RSRP1: variants seen among roughly 807,000 people sequenced by gnomAD.
RSRP1 encodes the protein arginine and serine rich protein 1.
RSRP1 carries 37 observed loss-of-function variants against 33.0 expected under a neutral mutation model. The ratio of observed to expected loss-of-function variants is 1.12; its 90% CI spans 0.86 to 1.48. RSRP1 has a LOEUF of 1.48. Ranked by LOEUF, RSRP1 falls within the 40% of genes most tolerant of loss-of-function variation. RSRP1 has a pLI of 0.00. For synonymous variants in RSRP1, 167 were observed against 158.7 expected, an observed-to-expected ratio of 1.05 and a Z score of -0.40; for missense variants, 402 against 385.3, an observed-to-expected ratio of 1.04 and a Z score of -0.36.
chr1:25,322,256 G>A lies in RSRP1; in HGVS notation c.-67+15722C>T, dbSNP rs115774166. On this transcript the variant is annotated intron_variant, in intron 1 of 1. Transcript: ENST00000561867. ...CCTCCCCCTATCTGCAGTCCTCAGC[G>A]TAGCCAAATAGTCTGACATGCGGGT... Among the ~76,000 whole-genome samples, 1,251 of 132,444 alleles carry A rather than the reference G, an allele frequency of 9.4e-3. 8 individuals are homozygous for A. The highest frequency in any genetic ancestry group is 0.031 in the African/African-American group (1,192 of 38,886). The allele number at this position is 132,444 out of a possible 152,430, so 86.9% of individuals were successfully genotyped here.
rs1417689767 is a variant in RSRP1 at position 25,293,458 on chromosome 1, T to C, written c.-67+44520A>G. Among the ~76,000 whole-genome samples the C allele has an allele frequency of 1.1e-4, 15 of 131,056 alleles. 3 individuals are homozygous for C. The highest frequency in any genetic ancestry group is 3.9e-4 in the African/African-American group (15 of 38,444). The allele number at this position is 131,056 out of a possible 152,430, so 86.0% of individuals were successfully genotyped here. ...GGAAATAACAATTTATTACTTATAG[T>C]TTTATATTTGTGGACAGATTGTTTT... On this transcript the variant is annotated intron_variant, in intron 1 of 1. Coordinates refer to the RSRP1 transcript ENST00000561867.
rs1641086881 is a variant in RSRP1 at position 25,277,159 on chromosome 1, A to G, written c.-66-30130T>C. On this transcript the variant is annotated intron_variant, in intron 1 of 1. Transcript: ENST00000561867. ...GAGAAATGCATATCAAATCCTTCTC[A>G]TTGGACCAATATTCCCTTAGGGCAC... Among the ~76,000 whole-genome samples, 2 of 133,328 alleles carry G rather than the reference A, an allele frequency of 1.5e-5. 1 individual carries two copies. Among genetic ancestry groups the G allele is most frequent in the Non-Finnish European group, 3.6e-5 (2 of 56,110 alleles). The allele number at this position is 133,328 out of a possible 152,430, so 87.5% of individuals were successfully genotyped here. A position where few individuals can be genotyped will look rare whatever the true frequency, so the allele number is the denominator to read the frequency against.
chr1:25,310,989 G>GAA (rs1644115068), intron 1 of RSRP1, among the ~76,000 whole-genome samples: 1 of 124,364 alleles, frequency 8.0e-6, no homozygotes, highest in Admixed American at 7.7e-5. Context: ...AAAAAAAAAA[G>GAA]AAAGAAAAAG....
At chr1:25,307,684 G>A in intron 1 of RSRP1, 1 of 1,304,048 alleles carries the variant, frequency 7.7e-7, no homozygotes, top group East Asian at 2.5e-5. Context: ...AATGGCTGAA[G>A]CAGGTGATGA....
chr1:25,244,513 T>C, intron 3 of RSRP1: 14 of 1,289,282 alleles, frequency 1.1e-5, no homozygotes, highest in Non-Finnish European at 1.3e-5. Flanking sequence ...AAGACAGAAA[T>C]AGAGCAGATA....
upstream of RSRP1, among the ~76,000 whole-genome samples, chr1:25,251,075 G>A (rs191650627): frequency 3.3e-5 from 5 of 152,042 alleles, no homozygotes; most frequent in East Asian, 7.7e-4. Context: ...CAAGGGCAGG[G>A]AAAGAACTCT....
rs2986146 is a variant in RSRP1, at chr1:25,288,192, A to G, written c.-66-41163T>C. Among the ~76,000 whole-genome samples, 11 of 128,986 alleles carry G rather than the reference A, an allele frequency of 8.5e-5. 3 individuals are homozygous for G. The highest frequency in any genetic ancestry group is 2.4e-4 in the South Asian group (1 of 4,220). 84.6% of individuals were successfully genotyped at this position (128,986 alleles called of 152,430 possible). On this transcript the variant is annotated intron_variant, in intron 1 of 1. Transcript: ENST00000561867. Reference sequence around the variant, plus strand: ...ACCACCACGCCTAGCTGATTTTTCTATTTTCTGCAGAGACAGGACCTCACT... The same window carrying G: ...ACCACCACGCCTAGCTGATTTTTCTGTTTTCTGCAGAGACAGGACCTCACT...
chr1:25,251,992 G>T (rs931426783), upstream of RSRP1, among the ~76,000 whole-genome samples: 1 of 151,470 alleles, frequency 6.6e-6, no homozygotes, highest in African/African-American at 2.4e-5. Context: ...CCTGGTTCAA[G>T]TGATTCCCAT....
At chr1:25,248,501 G>A (rs753448835), upstream of RSRP1, among the ~76,000 whole-genome samples, 2 of 152,064 alleles carry the variant, frequency 1.3e-5, no homozygotes, top group Non-Finnish European at 2.9e-5. Context: ...TTACCCACGG[G>A]ATCTAACTGT....
At chr1:25,296,671 T>A (rs1411549864) in intron 1 of RSRP1, among the ~76,000 whole-genome samples, 1 of 130,632 alleles carries the variant, frequency 7.7e-6, no homozygotes, top group East Asian at 2.0e-4. Flanking sequence ...GTTTCCCCCA[T>A]GCTGTTCTTG....
chr1:25,303,191 A>C (rs374690350), intron 1 of RSRP1: 1 of 994,846 alleles, frequency 1.0e-6, no homozygotes, highest in South Asian at 1.3e-5. Flanking sequence ...ACAGGGGAGA[A>C]GTGGTTTCAG....
rs201074559 is a variant in RSRP1, at chr1:25,306,547, G to A, written c.-67+31431C>T. 1.6e-3 allele frequency: 2,238 copies of A among 1,364,450 alleles called. 621 individuals are homozygous for A. Among genetic ancestry groups the A allele is most frequent in the Non-Finnish European group, 2.2e-3 (2,139 of 967,954 alleles). The allele number at this position is 1,364,450 out of a possible 1,614,324, so 84.5% of individuals were successfully genotyped here. On this transcript the variant is annotated intron_variant, in intron 1 of 1. Transcript: ENST00000561867. Reference sequence around the variant, plus strand: ...AGGGTGTGTGAAAGGGGTGGGTAGGGAATATGGGTCTCACCTGCCAATCTG... The same window carrying A: ...AGGGTGTGTGAAAGGGGTGGGTAGGAAATATGGGTCTCACCTGCCAATCTG...
intron 1 of RSRP1, among the ~76,000 whole-genome samples, chr1:25,321,365 AT>A (rs1295217162): frequency 8.0e-6 from 1 of 125,104 alleles, no homozygotes; most frequent in South Asian, 2.5e-4. Flanking sequence ...AAAAAAAAAA[AT>A]GTCTACAGAA....
chr1:25,243,893 T>C (rs1639119970), intron 3 of RSRP1: 4 of 1,210,604 alleles, frequency 3.3e-6, no homozygotes, highest in Middle Eastern at 3.6e-4. Flanking sequence ...TTTTCTCAGG[T>C]TGAATCAAGT....
In RSRP1 at chr1:25,247,073, G is replaced by C. The variant is rs41303885; in HGVS notation, c.-66-44C>G. On this transcript the variant is annotated intron_variant, in intron 1 of 4. Coordinates refer to ENST00000243189, the MANE Select transcript of RSRP1 (RefSeq NM_020317.5). The stretch of plus-strand genomic sequence containing the variant: ...AAAAACAAGTCGAGTCGCGGAAGCC[G>C]GCGCCTGGCCACCCGGAAGCCACAG... 2,762 of 1,202,042 alleles carry C rather than the reference G, an allele frequency of 2.3e-3. 4 individuals are homozygous for C. Among genetic ancestry groups the C allele is most frequent in the Non-Finnish European group, 2.9e-3 (2,556 of 892,978 alleles). The allele number at this position is 1,202,042 out of a possible 1,614,324, so 74.5% of individuals were successfully genotyped here.
intron 1 of RSRP1, among the ~76,000 whole-genome samples, chr1:25,291,187 GGCTGGGT>G (rs1642474102): frequency 7.7e-6 from 1 of 129,890 alleles, no homozygotes; most frequent in African/African-American, 2.7e-5. Flanking sequence ...CAGACAGACA[GGCTGGGT>G]ACAGTGGCTC....
chr1:25,288,014 T>C (rs190403274), intron 1 of RSRP1, among the ~76,000 whole-genome samples: 1 of 132,788 alleles, frequency 7.5e-6, no homozygotes, highest in African/African-American at 2.6e-5. Flanking sequence ...TGAGCCACTG[T>C]GTCCAGCCTA....
intron 1 of RSRP1, among the ~76,000 whole-genome samples, chr1:25,324,532 G>A (rs1426232164): frequency 2.0e-5 from 3 of 152,108 alleles, no homozygotes; most frequent in African/African-American, 7.3e-5. Context: ...ACTTCACTGG[G>A]TTATTTTAAA....
chr1:25,302,622 A>G (rs1475419711), intron 1 of RSRP1, among the ~76,000 whole-genome samples: 1 of 130,044 alleles, frequency 7.7e-6, no homozygotes, highest in Admixed American at 7.4e-5. Flanking sequence ...AGTGAAGGAC[A>G]TAGCAGAGCT....
Sources: gnomAD v4.1 joint callset for allele counts (sites outside exome capture counted in the v4.1 genomes callset) on GRCh38, gnomAD v4.1.1 for gene constraint, MANE v1.5 for transcripts, NCBI Gene and HGNC (gene_info 2026-07-23, HGNC 2026-07-21) for gene names.